Variants in EIPR1 observed in about 807,000 individuals in gnomAD.
EIPR1 encodes EARP and GARP complex-interacting protein 1.
In EIPR1, 25 loss-of-function variants were observed where a neutral mutation model predicts 48.1. That is an observed-to-expected ratio of 0.52 (90% CI 0.38 to 0.73). EIPR1 has a LOEUF of 0.73. EIPR1 is among the 30% of genes least tolerant of loss of function. EIPR1 has a pLI of 0.00. For missense variants in EIPR1, 415 were observed against 506.2 expected (o/e 0.82, Z 1.73); for synonymous variants, 204 against 201.9 (o/e 1.01, Z -0.09).
At chr2:3,259,227 A>G (rs531432819) in intron 3 of EIPR1, among the ~76,000 whole-genome samples, 1 of 152,344 alleles carries the variant, frequency 6.6e-6, no homozygotes, top group South Asian at 2.1e-4. Flanking sequence ...ACACAAGATG[A>G]CAAAGGCAGG....
chr2:3,269,261 CAGTCATGGCACT>C (rs1667595163), intron 3 of EIPR1, among the ~76,000 whole-genome samples: 2 of 93,974 alleles, frequency 2.1e-5, no homozygotes, highest in Non-Finnish European at 5.0e-5. Context: ...TCATCGCACT[CAGTCATGGCACT>C]CAGTCATGGC....
rs991007404 is a variant in EIPR1, at chr2:3,377,807, C to A, written c.-118G>T. ...CCATTCATTCCCTCCCCGCAGCAAA[C>A]GACTCCAAACTGGAAGTCTTTCTGG... On this transcript the variant is annotated 5_prime_UTR_variant, in exon 1 of 9. Coordinates refer to ENST00000382125, the MANE Select transcript of EIPR1 (RefSeq NM_003310.5). The A allele has an allele frequency of 1.7e-6, 2 of 1,194,580 alleles. No homozygotes were observed. The highest frequency in any genetic ancestry group is 2.4e-6 in the Non-Finnish European group (2 of 846,316). 74.0% of individuals were successfully genotyped at this position (1,194,580 alleles called of 1,614,324 possible). A position where few individuals can be genotyped will look rare whatever the true frequency, so the allele number is the denominator to read the frequency against.
intron 3 of EIPR1, among the ~76,000 whole-genome samples, chr2:3,331,126 TG>T (rs1669886653): frequency 8.0e-6 from 1 of 124,246 alleles, no homozygotes; most frequent in Non-Finnish European, 1.8e-5. Flanking sequence ...TGAGGTGGTG[TG>T]AGCAGAAGCA....
intron 4 of EIPR1, among the ~76,000 whole-genome samples, chr2:3,247,936 A>G (rs906933837): frequency 2.0e-5 from 3 of 152,160 alleles, no homozygotes; most frequent in African/African-American, 7.2e-5. Context: ...TTATTTATCT[A>G]TAGCCCATCT....
intron 4 of EIPR1, among the ~76,000 whole-genome samples, chr2:3,229,014 C>T (rs1666155960): frequency 1.3e-5 from 2 of 152,154 alleles, no homozygotes. Flanking sequence ...TTAATAAAGT[C>T]ACATTTAGGG....
intron 4 of EIPR1, among the ~76,000 whole-genome samples, chr2:3,221,785 T>C: frequency 6.8e-6 from 1 of 146,458 alleles, no homozygotes; most frequent in Non-Finnish European, 1.5e-5. Context: ...ATGGCCGAGG[T>C]ACACTCTAGA....
chr2:3,225,136 T>G (rs1295941088), intron 4 of EIPR1, among the ~76,000 whole-genome samples: 5 of 152,186 alleles, frequency 3.3e-5, no homozygotes, highest in Non-Finnish European at 7.3e-5. Context: ...CTGCTTCAGA[T>G]CATACTGTTG....
intron 4 of EIPR1, among the ~76,000 whole-genome samples, chr2:3,236,046 A>C (rs578095503): frequency 6.6e-6 from 1 of 152,306 alleles, no homozygotes; most frequent in East Asian, 1.9e-4. Context: ...TGACATGCTA[A>C]GAGCGCCTCC....
chr2:3,304,490 CAGT>C lies in EIPR1; in HGVS notation c.259+33524_259+33526del, dbSNP rs1668855018. 7.5e-4 allele frequency among the ~76,000 whole-genome samples: 4 copies of C among 5,334 alleles called. 1 individual carries two copies. The highest frequency in any genetic ancestry group is 6.9e-3 in the Admixed American group (4 of 582). The allele number at this position is 5,334 out of a possible 152,430, so 3.5% of individuals were successfully genotyped here. ...TCCACTCCCGTCCAGTTCAGCCCTCCAGTCCCATCAGTTCAGCCCTCCACTCCC... is the reference window on the plus strand; with the variant it reads ...TCCACTCCCGTCCAGTTCAGCCCTCCCCCATCAGTTCAGCCCTCCACTCCC... On this transcript the variant is annotated intron_variant, in intron 3 of 8. Coordinates refer to ENST00000382125, the MANE Select transcript of EIPR1 (RefSeq NM_003310.5).
intron 2 of EIPR1, among the ~76,000 whole-genome samples, chr2:3,348,729 G>C (rs1294841722): frequency 6.6e-6 from 1 of 152,236 alleles, no homozygotes; most frequent in Admixed American, 6.5e-5. Context: ...CATTTTCCAG[G>C]GAATCAACGA....
At chr2:3,210,337 C>T (rs550145940) in intron 5 of EIPR1, among the ~76,000 whole-genome samples, 10 of 152,128 alleles carry the variant, frequency 6.6e-5, no homozygotes, top group Non-Finnish European at 1.5e-4. Context: ...AGGGTGAACG[C>T]ATCTCCCACC....
At chr2:3,269,497 T>TCAC (rs1408335320) in intron 3 of EIPR1, among the ~76,000 whole-genome samples, 3 of 144,120 alleles carry the variant, frequency 2.1e-5, no homozygotes, top group African/African-American at 8.1e-5. Flanking sequence ...CACTCAATCA[T>TCAC]CGCACTCAAT....
intron 5 of EIPR1, among the ~76,000 whole-genome samples, chr2:3,207,505 G>A (rs2103124392): frequency 6.6e-6 from 1 of 152,324 alleles, no homozygotes; most frequent in South Asian, 2.1e-4. Flanking sequence ...ATAACCGCAT[G>A]GCACATTACA....
chr2:3,321,935 G>A (rs1031601582), intron 3 of EIPR1, among the ~76,000 whole-genome samples: 1 of 152,176 alleles, frequency 6.6e-6, no homozygotes, highest in Non-Finnish European at 1.5e-5. Flanking sequence ...CCACAGCCAC[G>A]CATGAGCTCA....
chr2:3,238,950 A>C (rs1483662252), intron 4 of EIPR1, among the ~76,000 whole-genome samples: 1 of 152,262 alleles, frequency 6.6e-6, no homozygotes, highest in Non-Finnish European at 1.5e-5. Flanking sequence ...AGAAACTCCC[A>C]GAGGCTTCCT....
intron 5 of EIPR1, among the ~76,000 whole-genome samples, chr2:3,213,218 G>GT (rs2103132276): frequency 6.6e-6 from 1 of 152,338 alleles, no homozygotes. Context: ...AAATGACATT[G>GT]TAAGTGCTAT....
chr2:3,195,537 T>C (rs951116705), intron 6 of EIPR1, among the ~76,000 whole-genome samples: 1 of 152,248 alleles, frequency 6.6e-6, no homozygotes, highest in African/African-American at 2.4e-5. Flanking sequence ...AATATCTTAA[T>C]ATTTCTTCCC....
chr2:3,269,314 AGTCATCGCACTCAATC>A (rs869098851), intron 3 of EIPR1, among the ~76,000 whole-genome samples: 1 of 129,464 alleles, frequency 7.7e-6, no homozygotes, highest in South Asian at 3.0e-4. Context: ...CATCGCACTC[AGTCATCGCACTCAATC>A]ATCATCACAC....
chr2:3,268,560 G>A (rs1021066135), intron 3 of EIPR1, among the ~76,000 whole-genome samples: 2 of 152,106 alleles, frequency 1.3e-5, no homozygotes, highest in African/African-American at 2.4e-5. Context: ...CACACTTAGC[G>A]CTTCTTTATA....
Sources: allele counts gnomAD v4.1 joint callset (sites outside exome capture counted in the v4.1 genomes callset), GRCh38; gene constraint gnomAD v4.1.1; transcripts MANE v1.5; gene names NCBI Gene and HGNC (gene_info 2026-07-23, HGNC 2026-07-21).